Variants in CNTN5 observed in about 807,000 individuals in gnomAD.
CNTN5 encodes contactin-5.
CNTN5 carries 77 observed loss-of-function variants against 129.1 expected under a neutral mutation model. The ratio of observed to expected loss-of-function variants is 0.60; its 90% CI spans 0.50 to 0.72. The LOEUF (loss-of-function observed/expected upper bound fraction) is 0.72, where lower values mean the gene tolerates loss of function less well. Ranked by LOEUF, CNTN5 falls within the 30% of genes least tolerant of loss-of-function variation. The pLI, the probability that CNTN5 is intolerant of heterozygous loss-of-function variation, is 0.00. For missense variants in CNTN5, 1,478 were observed against 1,328.8 expected, an observed-to-expected ratio of 1.11 and a Z score of -1.75; for synonymous variants, 509 against 465.6, an observed-to-expected ratio of 1.09 and a Z score of -1.20.
chr11:99,040,823 T>A (rs1008618392), intron 1 of CNTN5, among the ~76,000 whole-genome samples: 3 of 152,164 alleles, frequency 2.0e-5, no homozygotes, highest in Admixed American at 2.0e-4. Flanking sequence ...TGCTTTCAGC[T>A]ACCTTTTACG....
At chr11:99,446,038 C>T (rs1323905371) in intron 2 of CNTN5, among the ~76,000 whole-genome samples, 3 of 149,770 alleles carry the variant, frequency 2.0e-5, no homozygotes, top group Admixed American at 6.6e-5. Context: ...GAGCCAAGGT[C>T]GCACCACGGC....
intron 3 of CNTN5, among the ~76,000 whole-genome samples, chr11:99,693,596 G>T (rs1000154429): frequency 1.3e-5 from 2 of 151,946 alleles, no homozygotes; most frequent in Non-Finnish European, 2.9e-5. Flanking sequence ...GGACAGTAGA[G>T]CTGGGACAAT....
chr11:100,287,159 T>C (rs1029841478), intron 18 of CNTN5, among the ~76,000 whole-genome samples: 1 of 152,128 alleles, frequency 6.6e-6, no homozygotes, highest in African/African-American at 2.4e-5. Context: ...TTGGGGAGAA[T>C]GGAACCAAGT....
chr11:99,211,544 C>CTT (rs76506556), intron 1 of CNTN5, among the ~76,000 whole-genome samples: 3 of 150,574 alleles, frequency 2.0e-5, no homozygotes, highest in African/African-American at 4.9e-5. Flanking sequence ...TTTTCTCCTC[C>CTT]TTTTTTTTTC....
chr11:100,348,529 T>C (rs1344888833), intron 23 of CNTN5, among the ~76,000 whole-genome samples: 1 of 152,054 alleles, frequency 6.6e-6, no homozygotes, highest in Non-Finnish European at 1.5e-5. Flanking sequence ...GCTGGATGTA[T>C]TTTTCTTTGT....
intron 3 of CNTN5, among the ~76,000 whole-genome samples, chr11:99,764,471 A>C (rs1944687283): frequency 6.6e-6 from 1 of 152,104 alleles, no homozygotes; most frequent in African/African-American, 2.4e-5. Flanking sequence ...GCTGGAGTAC[A>C]ATGGCGTGAT....
intron 2 of CNTN5, among the ~76,000 whole-genome samples, chr11:99,507,375 CA>C (rs35059394): frequency 0.04 from 3,465 of 87,344 alleles, 30 homozygotes; most frequent in Middle Eastern, 0.13. Context: ...GACTCTGTCT[CA>C]AAAAAAAAAA....
At chr11:99,120,073 T>G (rs916363958) in intron 1 of CNTN5, 1 of 152,158 alleles carries the variant, frequency 6.6e-6, no homozygotes, top group African/African-American at 2.4e-5. Flanking sequence ...TTCTTTAGGT[T>G]GTCTGTTTAT....
At chr11:99,467,530 C>T (rs780214089) in intron 2 of CNTN5, among the ~76,000 whole-genome samples, 7 of 152,130 alleles carry the variant, frequency 4.6e-5, no homozygotes, top group Non-Finnish European at 1.0e-4. Flanking sequence ...CTCATCTGCT[C>T]GGTTAACTCA....
chr11:100,230,471 A>G (rs1177417492), intron 16 of CNTN5, among the ~76,000 whole-genome samples: 3 of 152,202 alleles, frequency 2.0e-5, no homozygotes, highest in Non-Finnish European at 2.9e-5. Flanking sequence ...CTGACAAAAA[A>G]GTAACATTTT....
chr11:100,093,555 C>T (rs569031557), intron 13 of CNTN5, among the ~76,000 whole-genome samples: 1 of 152,202 alleles, frequency 6.6e-6, no homozygotes, highest in Admixed American at 6.5e-5. Flanking sequence ...GTGTGAGCCA[C>T]TGTGCCTGGC....
chr11:99,076,036 A>G (rs1447826711), intron 1 of CNTN5, among the ~76,000 whole-genome samples: 1 of 152,134 alleles, frequency 6.6e-6, no homozygotes, highest in Non-Finnish European at 1.5e-5. Context: ...TTCCAATACG[A>G]ACTACTTTAC....
chr11:99,693,793 C>T (rs576567326), intron 3 of CNTN5, among the ~76,000 whole-genome samples: 1 of 152,174 alleles, frequency 6.6e-6, no homozygotes, highest in African/African-American at 2.4e-5. Context: ...AAATTGACAA[C>T]ATGAAAGTTC....
intron 6 of CNTN5, among the ~76,000 whole-genome samples, chr11:99,908,158 G>A (rs1949560221): frequency 6.6e-6 from 1 of 151,982 alleles, no homozygotes; most frequent in African/African-American, 2.4e-5. Context: ...AGAATAGGCA[G>A]ATAGTCCAAT....
chr11:100,087,127 CAAGAA>C (rs1807365512), intron 13 of CNTN5, among the ~76,000 whole-genome samples: 1 of 150,632 alleles, frequency 6.6e-6, no homozygotes, highest in Non-Finnish European at 1.5e-5. Context: ...ATCCTAAAAT[CAAGAA>C]AAGAGCTACA....
chr11:99,104,908 A>G (rs951744600), intron 1 of CNTN5, among the ~76,000 whole-genome samples: 14 of 152,200 alleles, frequency 9.2e-5, no homozygotes, highest in Non-Finnish European at 1.9e-4. Flanking sequence ...AGCAACTTTT[A>G]AAATAAAGAC....
intron 13 of CNTN5, among the ~76,000 whole-genome samples, chr11:100,096,643 T>C (rs780211410): frequency 4.6e-5 from 7 of 152,028 alleles, no homozygotes; most frequent in Non-Finnish European, 1.0e-4. Context: ...TCTAACACTC[T>C]CATCCTAGTG....
intron 3 of CNTN5, among the ~76,000 whole-genome samples, chr11:99,575,452 T>C (rs1301529002): frequency 2.6e-5 from 4 of 152,192 alleles, no homozygotes; most frequent in Non-Finnish European, 4.4e-5. Context: ...CCTTTTACTC[T>C]ACATCTAAAT....
intron 3 of CNTN5, among the ~76,000 whole-genome samples, chr11:99,678,190 T>C (rs1193465766): frequency 6.6e-6 from 1 of 152,120 alleles, no homozygotes; most frequent in Non-Finnish European, 1.5e-5. Context: ...TCCCTCAATA[T>C]TCAGCGAATT....
Sources: gnomAD v4.1 joint callset for allele counts (sites outside exome capture counted in the v4.1 genomes callset) on GRCh38, gnomAD v4.1.1 for gene constraint, MANE v1.5 for transcripts, NCBI Gene and HGNC (gene_info 2026-07-23, HGNC 2026-07-21) for gene names.